The following FSTL4 variants were observed in gnomAD, a reference collection of about 807,000 sequenced individuals.
FSTL4 encodes follistatin like 4, also known as follistatin-related protein 4.
Under a neutral mutation model 78.2 loss-of-function variants are expected in FSTL4, and 28 were observed. The observed-to-expected ratio is 0.36, with a 90% confidence interval of 0.27 to 0.49. The LOEUF (loss-of-function observed/expected upper bound fraction) is 0.49, where lower values mean the gene tolerates loss of function less well. FSTL4 is among the 20% of genes least tolerant of loss of function. The pLI is 0.98. For missense variants in FSTL4, 922 were observed against 1,084.9 expected, an observed-to-expected ratio of 0.85 and a Z score of 2.11; for synonymous variants, 422 against 440.5, an observed-to-expected ratio of 0.96 and a Z score of 0.53.
the FSTL4 span, among the ~76,000 whole-genome samples, chr5:133,618,125 T>G: frequency 6.6e-6 from 1 of 152,206 alleles, no homozygotes; most frequent in African/African-American, 2.4e-5. Context: ...ATACCTATGA[T>G]AGTTTAATTT....
At chr5:133,579,039 C>T (rs994111284) in intron 2 of FSTL4, among the ~76,000 whole-genome samples, 5 of 152,202 alleles carry the variant, frequency 3.3e-5, no homozygotes, top group African/African-American at 1.2e-4. Context: ...TGAGGAACAA[C>T]CTCATTAACA....
intron 4 of FSTL4, among the ~76,000 whole-genome samples, chr5:133,349,295 C>CTCTCTCTGTGTGTG (rs11269337): frequency 7.2e-6 from 1 of 139,772 alleles, no homozygotes; most frequent in East Asian, 2.2e-4. Context: ...GCCTCTCTCT[C>CTCTCTCTGTGTGTG]TGTGTGTGTG....
intron 3 of FSTL4, among the ~76,000 whole-genome samples, chr5:133,477,749 T>A (rs1404133198): frequency 6.6e-6 from 1 of 152,240 alleles, no homozygotes; most frequent in African/African-American, 2.4e-5. Context: ...TCTGAAAGCA[T>A]CTTCTTCAAA....
At chr5:133,570,070 G>C (rs907679489) in intron 2 of FSTL4, among the ~76,000 whole-genome samples, 1 of 151,662 alleles carries the variant, frequency 6.6e-6, no homozygotes, top group African/African-American at 2.4e-5. Flanking sequence ...TTAGCCGGGC[G>C]TGGTGGTGGG....
intron 3 of FSTL4, among the ~76,000 whole-genome samples, chr5:133,487,183 G>A (rs780447336): frequency 2.0e-5 from 3 of 152,170 alleles, no homozygotes; most frequent in Admixed American, 6.5e-5. Context: ...CTCTGAGCAC[G>A]TGGAAGGCCT....
At chr5:133,795,682 T>C in the FSTL4 span, among the ~76,000 whole-genome samples, 2 of 152,246 alleles carry the variant, frequency 1.3e-5, no homozygotes, top group Admixed American at 6.5e-5. Flanking sequence ...TAGAAGACTC[T>C]ACCGCCATAA....
chr5:133,288,130 A>G (rs1218712478), intron 6 of FSTL4, among the ~76,000 whole-genome samples: 1 of 152,282 alleles, frequency 6.6e-6, no homozygotes, highest in Non-Finnish European at 1.5e-5. Context: ...GTAATGCCTC[A>G]GTAAAGAACA....
chr5:133,500,962 A>T (rs1287316489), intron 3 of FSTL4, among the ~76,000 whole-genome samples: 2 of 151,196 alleles, frequency 1.3e-5, no homozygotes, highest in African/African-American at 4.9e-5. Context: ...AAAAAAAGTC[A>T]TCTGCTTTAA....
the FSTL4 span, among the ~76,000 whole-genome samples, chr5:133,744,129 C>G: frequency 1.8e-4 from 27 of 152,326 alleles, 1 homozygote; most frequent in Non-Finnish European, 3.2e-4. Flanking sequence ...TTCCTTCATG[C>G]TTTAAAGCCA....
chr5:133,734,605 T>C, the FSTL4 span, among the ~76,000 whole-genome samples: 1 of 152,232 alleles, frequency 6.6e-6, no homozygotes, highest in African/African-American at 2.4e-5. Flanking sequence ...CATCTGTGTA[T>C]GTTTGAAATT....
chr5:133,515,075 G>T (rs1044252664), intron 3 of FSTL4, among the ~76,000 whole-genome samples: 2 of 152,060 alleles, frequency 1.3e-5, no homozygotes, highest in African/African-American at 4.8e-5. Context: ...AAGAATCCCC[G>T]ATAAGCCATG....
intron 6 of FSTL4, among the ~76,000 whole-genome samples, chr5:133,277,343 T>A (rs1752906969): frequency 6.6e-6 from 1 of 150,744 alleles, no homozygotes. Context: ...AGTGGGATGA[T>A]AATTGTGTCA....
chr5:133,494,400 T>C (rs1758329388), intron 3 of FSTL4, among the ~76,000 whole-genome samples: 1 of 152,086 alleles, frequency 6.6e-6, no homozygotes, highest in Non-Finnish European at 1.5e-5. Context: ...TGTAATTTAA[T>C]TTCCTTAAAA....
In FSTL4 at chr5:133,544,374, G is replaced by A. The variant is rs1224595361; in HGVS notation, c.160+22812C>T. Among the ~76,000 whole-genome samples, 4 of 152,036 alleles carry A rather than the reference G, an allele frequency of 2.6e-5. No homozygotes were observed. The South Asian group carries it at 8.3e-4, about 32-fold the overall frequency. On this transcript the variant is annotated intron_variant, in intron 3 of 15. Transcript: ENST00000265342. ...AAATTTTATTCAAAGATATTTGATGGTATAAAGTTCTATACTGAGGAAACA... is the reference window on the plus strand; with the variant it reads ...AAATTTTATTCAAAGATATTTGATGATATAAAGTTCTATACTGAGGAAACA...
chr5:133,769,386 GT>G, the FSTL4 span, among the ~76,000 whole-genome samples: 1 of 152,212 alleles, frequency 6.6e-6, no homozygotes, highest in Non-Finnish European at 1.5e-5. Context: ...CTGGGATTCT[GT>G]TTCCTCCTCG....
intron 3 of FSTL4, among the ~76,000 whole-genome samples, chr5:133,529,414 CACAA>C (rs1017269602): frequency 6.6e-6 from 1 of 152,178 alleles, no homozygotes; most frequent in Admixed American, 6.5e-5. Flanking sequence ...CCAACCCAGA[CACAA>C]ACAGTCAGCC....
the FSTL4 span, among the ~76,000 whole-genome samples, chr5:133,756,672 G>C: frequency 6.6e-6 from 1 of 152,130 alleles, no homozygotes; most frequent in South Asian, 2.1e-4. Context: ...TGGGGGAGGA[G>C]GGTGCGGGAT....
intron 3 of FSTL4, among the ~76,000 whole-genome samples, chr5:133,540,246 TACAC>T (rs751878256): frequency 2.5e-5 from 3 of 122,408 alleles, no homozygotes; most frequent in Admixed American, 1.6e-4. Flanking sequence ...AACACACACA[TACAC>T]ACACACACAC....
chr5:133,514,349 G>A (rs1758809984), intron 3 of FSTL4, among the ~76,000 whole-genome samples: 1 of 151,512 alleles, frequency 6.6e-6, no homozygotes, highest in South Asian at 2.1e-4. Flanking sequence ...GAGAAGTGAG[G>A]TGACTTAGAA....
Sources: allele counts gnomAD v4.1 joint callset (sites outside exome capture counted in the v4.1 genomes callset), GRCh38; gene constraint gnomAD v4.1.1; transcripts MANE v1.5; gene names NCBI Gene and HGNC (gene_info 2026-07-23, HGNC 2026-07-21).